Variants in TAFA2 observed in about 807,000 individuals in gnomAD.
TAFA2 encodes the protein chemokine-like protein TAFA-2.
TAFA2 carries 7 observed loss-of-function variants against 18.8 expected under a neutral mutation model. That is an observed-to-expected ratio of 0.37 (90% CI 0.21 to 0.70). TAFA2 has a LOEUF of 0.70. Ranked by LOEUF, TAFA2 falls within the 30% of genes least tolerant of loss-of-function variation. TAFA2 has a pLI of 0.53. For synonymous variants in TAFA2, 60 were observed against 54.2 expected, an observed-to-expected ratio of 1.11 and a Z score of -0.47; for missense variants, 122 against 158.1, an observed-to-expected ratio of 0.77 and a Z score of 1.23.
At chr12:62,142,984 T>C (rs1418719769) in intron 1 of TAFA2, among the ~76,000 whole-genome samples, 1 of 152,204 alleles carries the variant, frequency 6.6e-6, no homozygotes, top group African/African-American at 2.4e-5. Context: ...AGGAATGTAC[T>C]CAAAGCTATA....
At chr12:62,082,933 T>C (rs1480827934) in intron 1 of TAFA2, among the ~76,000 whole-genome samples, 1 of 152,164 alleles carries the variant, frequency 6.6e-6, no homozygotes, top group Non-Finnish European at 1.5e-5. Flanking sequence ...TTCCATTTAA[T>C]CCTTGCAACA....
chr12:61,906,441 C>T (rs1314634690), intron 1 of TAFA2, among the ~76,000 whole-genome samples: 1 of 152,190 alleles, frequency 6.6e-6, no homozygotes, highest in African/African-American at 2.4e-5. Flanking sequence ...CCTCCTTTGC[C>T]TTCTGCCATG....
chr12:62,251,717 A>G (rs2062914763), intron 1 of TAFA2, among the ~76,000 whole-genome samples: 1 of 152,210 alleles, frequency 6.6e-6, no homozygotes, highest in Admixed American at 6.5e-5. Context: ...GTTGTTTCCA[A>G]TAGAGGAAAT....
At chr12:62,171,744 C>A (rs554067419) in intron 1 of TAFA2, among the ~76,000 whole-genome samples, 1 of 152,246 alleles carries the variant, frequency 6.6e-6, no homozygotes, top group East Asian at 1.9e-4. Context: ...TATAAGCTAC[C>A]AGTTTATGTT....
intron 2 of TAFA2, among the ~76,000 whole-genome samples, chr12:61,792,752 T>C (rs76005481): frequency 0.046 from 6,945 of 151,418 alleles, 507 homozygotes; most frequent in African/African-American, 0.16. Context: ...GTCTTAAGCA[T>C]TATGCATAAT....
intron 1 of TAFA2, among the ~76,000 whole-genome samples, chr12:62,139,109 GT>G (rs1247269034): frequency 6.6e-6 from 1 of 152,172 alleles, no homozygotes; most frequent in East Asian, 1.9e-4. Context: ...TCCCAAAGCT[GT>G]TTACCTTTAC....
intron 1 of TAFA2, among the ~76,000 whole-genome samples, chr12:61,886,630 G>A (rs1300918881): frequency 2.0e-5 from 3 of 152,204 alleles, no homozygotes; most frequent in South Asian, 4.1e-4. Context: ...GTGGGTCCCA[G>A]TGGTCCACAT....
chr12:61,942,363 C>A (rs1269554141), intron 1 of TAFA2, among the ~76,000 whole-genome samples: 1 of 150,732 alleles, frequency 6.6e-6, no homozygotes. Flanking sequence ...AAAAACAGAA[C>A]AGAAAAACTG....
chr12:62,130,517 T>C (rs890326141), intron 1 of TAFA2, among the ~76,000 whole-genome samples: 6 of 151,880 alleles, frequency 4.0e-5, no homozygotes, highest in Admixed American at 6.6e-5. Flanking sequence ...CCAGGGTGTA[T>C]GGGGGTAGGG....
chr12:61,813,296 G>A (rs923429926), intron 2 of TAFA2, among the ~76,000 whole-genome samples: 1 of 151,208 alleles, frequency 6.6e-6, no homozygotes, highest in Non-Finnish European at 1.5e-5. Flanking sequence ...TGTCTTCCTA[G>A]TGAATTGCCT....
chr12:61,921,581 G>T (rs1877057562), intron 1 of TAFA2, among the ~76,000 whole-genome samples: 1 of 151,960 alleles, frequency 6.6e-6, no homozygotes, highest in Non-Finnish European at 1.5e-5. Flanking sequence ...TTTGGTATGG[G>T]TTTTTTTGTG....
chr12:62,176,865 A>T (rs1034601482), intron 1 of TAFA2, among the ~76,000 whole-genome samples: 4 of 152,342 alleles, frequency 2.6e-5, no homozygotes, highest in African/African-American at 9.6e-5. Flanking sequence ...TTCTAATGGT[A>T]TGATTGAGAT....
At chr12:61,883,799 T>C (rs868152217) in intron 1 of TAFA2, among the ~76,000 whole-genome samples, 1 of 152,156 alleles carries the variant, frequency 6.6e-6, no homozygotes, top group South Asian at 2.1e-4. Context: ...TTTAACTCAG[T>C]TTTTCCATCT....
intron 1 of TAFA2, among the ~76,000 whole-genome samples, chr12:61,908,562 C>T (rs1158847540): frequency 6.6e-6 from 1 of 152,012 alleles, no homozygotes; most frequent in Non-Finnish European, 1.5e-5. Flanking sequence ...GACTAATACA[C>T]AAAGATACGG....
intron 4 of TAFA2, among the ~76,000 whole-genome samples, chr12:61,715,513 T>C (rs971172271): frequency 6.6e-6 from 1 of 151,900 alleles, no homozygotes; most frequent in African/African-American, 2.4e-5. Flanking sequence ...CACGCCCAGC[T>C]AATTTTTTTG....
chr12:61,848,447 TTAAAAA>T (rs1290505278), intron 2 of TAFA2, among the ~76,000 whole-genome samples: 2 of 152,164 alleles, frequency 1.3e-5, no homozygotes, highest in African/African-American at 4.8e-5. Flanking sequence ...TTGTACTTAT[TTAAAAA>T]TAAAAAGTGA....
intron 1 of TAFA2, among the ~76,000 whole-genome samples, chr12:61,905,628 A>G (rs529795738): frequency 2.6e-5 from 4 of 152,318 alleles, no homozygotes; most frequent in Admixed American, 2.0e-4. Context: ...TCATTGTTAC[A>G]TATATCAAAG....
chr12:62,159,259 A>G (rs1010672850), intron 1 of TAFA2, among the ~76,000 whole-genome samples: 1 of 152,204 alleles, frequency 6.6e-6, no homozygotes, highest in African/African-American at 2.4e-5. Context: ...AAACAAACAC[A>G]AGTAACTAGC....
chr12:62,251,814 T>A (rs1433720871), intron 1 of TAFA2, among the ~76,000 whole-genome samples: 1 of 152,184 alleles, frequency 6.6e-6, no homozygotes, highest in African/African-American at 2.4e-5. Context: ...AGGGTGCCTC[T>A]TTTCTATTGA....
Sources: allele counts gnomAD v4.1 joint callset (sites outside exome capture counted in the v4.1 genomes callset), GRCh38; gene constraint gnomAD v4.1.1; transcripts MANE v1.5; gene names NCBI Gene and HGNC (gene_info 2026-07-23, HGNC 2026-07-21).